IGBP1C: variants seen among roughly 807,000 people sequenced by gnomAD.
IGBP1C encodes the protein IGBP1 family member C.
At chr17:58,691,229 T>C in the IGBP1C span, among the ~76,000 whole-genome samples, 5 of 152,204 alleles carry the variant, frequency 3.3e-5, no homozygotes, top group Non-Finnish European at 5.9e-5. Flanking sequence ...CCTTTTGGCA[T>C]GGCTATGGCC....
At chr17:58,662,915 C>T in the IGBP1C span, among the ~76,000 whole-genome samples, 2 of 151,400 alleles carry the variant, frequency 1.3e-5, no homozygotes, top group East Asian at 1.9e-4. Flanking sequence ...GTCAGGAGAT[C>T]GAGACCATGG....
At chr17:58,670,634 G>A in the IGBP1C span, among the ~76,000 whole-genome samples, 1 of 151,618 alleles carries the variant, frequency 6.6e-6, no homozygotes, top group Non-Finnish European at 1.5e-5. Flanking sequence ...TTAGCTGGGT[G>A]TGGTGGCAGG....
the IGBP1C span, among the ~76,000 whole-genome samples, chr17:58,688,456 G>C: frequency 5.2e-3 from 787 of 152,260 alleles, 5 homozygotes; most frequent in African/African-American, 0.018. Context: ...CTCAGCATTA[G>C]CATTCTGCTG....
the IGBP1C span, among the ~76,000 whole-genome samples, chr17:58,684,377 G>A: frequency 2.0e-5 from 3 of 151,514 alleles, no homozygotes; most frequent in Non-Finnish European, 2.9e-5. Flanking sequence ...CAGGAGAATC[G>A]CTTGAACACG....
the IGBP1C span, among the ~76,000 whole-genome samples, chr17:58,688,108 T>C: frequency 1.3e-5 from 2 of 152,104 alleles, no homozygotes; most frequent in Non-Finnish European, 2.9e-5. Context: ...CTTTTACAAT[T>C]ATAGACTTTT....
At chr17:58,680,305 C>A in the IGBP1C span, among the ~76,000 whole-genome samples, 1 of 152,170 alleles carries the variant, frequency 6.6e-6, no homozygotes. Context: ...AAAATCCAGT[C>A]TACATATCTG....
the IGBP1C span, among the ~76,000 whole-genome samples, chr17:58,662,919 A>C: frequency 2.0e-5 from 3 of 151,880 alleles, no homozygotes; most frequent in Non-Finnish European, 1.5e-5. Context: ...GGAGATCGAG[A>C]CCATGGTGAA....
the IGBP1C span, among the ~76,000 whole-genome samples, chr17:58,683,762 C>T: frequency 1.3e-4 from 10 of 75,722 alleles, no homozygotes; most frequent in Middle Eastern, 0.017. Flanking sequence ...GACTCCAGCT[C>T]AAAAAAAAAA....
the IGBP1C span, among the ~76,000 whole-genome samples, chr17:58,676,433 GTC>G: frequency 1.3e-5 from 2 of 151,846 alleles, no homozygotes; most frequent in Admixed American, 1.3e-4. Flanking sequence ...GGTGGCAGGC[GTC>G]TGTAATCTCA....
chr17:58,666,379 C>G, the IGBP1C span, among the ~76,000 whole-genome samples: 1 of 136,140 alleles, frequency 7.3e-6, no homozygotes, highest in Admixed American at 8.6e-5. Context: ...CCTAAAACAA[C>G]CAAAGAAGGC....
the IGBP1C span, among the ~76,000 whole-genome samples, chr17:58,687,306 C>T: frequency 6.6e-6 from 1 of 152,106 alleles, no homozygotes; most frequent in Admixed American, 6.6e-5. Flanking sequence ...CTAATAAATA[C>T]AGAAGGCTGT....
the IGBP1C span, among the ~76,000 whole-genome samples, chr17:58,690,379 T>TG: frequency 6.6e-6 from 1 of 152,186 alleles, no homozygotes; most frequent in East Asian, 1.9e-4. Context: ...TTGCCCAGGC[T>TG]GGTCTCAAAC....
chr17:58,685,996 C>CA, the IGBP1C span, among the ~76,000 whole-genome samples: 49,519 of 82,868 alleles, frequency 0.6, 14,071 homozygotes, highest in Non-Finnish European at 0.63. Context: ...CTCTGTCTCA[C>CA]AAAAAAAAAA....
chr17:58,672,219 G>A, the IGBP1C span, among the ~76,000 whole-genome samples: 1 of 152,134 alleles, frequency 6.6e-6, no homozygotes, highest in Non-Finnish European at 1.5e-5. Flanking sequence ...ACCTCCTGCT[G>A]TGCGGCCTAG....
chr17:58,661,199 T>A, the IGBP1C span: 1 of 797,972 alleles, frequency 1.3e-6, no homozygotes, highest in Non-Finnish European at 2.3e-6. Context: ...TTCAGCTGAG[T>A]TGGTCTTGGT....
chr17:58,690,123 A>G, the IGBP1C span, among the ~76,000 whole-genome samples: 2 of 151,718 alleles, frequency 1.3e-5, no homozygotes, highest in Non-Finnish European at 2.9e-5. Context: ...TAAATTATAC[A>G]GCTATAGATA....
chr17:58,684,902 C>G, the IGBP1C span, among the ~76,000 whole-genome samples: 7 of 151,944 alleles, frequency 4.6e-5, no homozygotes, highest in Admixed American at 3.3e-4. Flanking sequence ...CTTGAACCCT[C>G]AAGACAGAGG....
chr17:58,681,354 T>C, the IGBP1C span, among the ~76,000 whole-genome samples: 9 of 152,200 alleles, frequency 5.9e-5, no homozygotes, highest in East Asian at 7.7e-4. Context: ...AAAAGAATAT[T>C]GGGACAAGGA....
the IGBP1C span, chr17:58,660,722 T>C: frequency 1.3e-6 from 1 of 781,488 alleles, no homozygotes; most frequent in East Asian, 2.4e-5. Flanking sequence ...TCTGAATTCT[T>C]CTGGTGTTGC....
Sources: allele counts gnomAD v4.1 joint callset (sites outside exome capture counted in the v4.1 genomes callset), GRCh38; gene constraint gnomAD v4.1.1; transcripts MANE v1.5; gene names NCBI Gene and HGNC (gene_info 2026-07-23, HGNC 2026-07-21).